The following GNAQ variants were observed in gnomAD, a reference collection of about 807,000 sequenced individuals.
GNAQ encodes G protein subunit alpha q, also known as guanine nucleotide-binding protein G(q) subunit alpha.
A neutral mutation model predicts 43.9 loss-of-function variants in GNAQ; 8 were observed. The ratio of observed to expected loss-of-function variants is 0.18; its 90% CI spans 0.11 to 0.33. The LOEUF is 0.33. Among genes scored for constraint, GNAQ ranks in the 10% least tolerant of loss-of-function variants. GNAQ has a pLI of 1.00. For missense variants in GNAQ, 158 were observed against 450.8 expected (o/e 0.35, Z 5.88); for synonymous variants, 155 against 170.7 (o/e 0.91, Z 0.71).
intron 1 of GNAQ, among the ~76,000 whole-genome samples, chr9:77,992,615 A>C (rs1051738389): frequency 6.6e-6 from 1 of 152,166 alleles, no homozygotes; most frequent in Non-Finnish European, 1.5e-5. Context: ...TAGTTTTTCT[A>C]CATAATTTTT....
chr9:77,866,177 T>G (rs1226666775), intron 2 of GNAQ, among the ~76,000 whole-genome samples: 1 of 151,886 alleles, frequency 6.6e-6, no homozygotes, highest in South Asian at 2.1e-4. Context: ...GGCAGTGATT[T>G]AAAAAAAACA....
intron 5 of GNAQ, among the ~76,000 whole-genome samples, chr9:77,759,933 CTTT>C (rs970000569): frequency 5.3e-5 from 7 of 131,838 alleles, no homozygotes; most frequent in Admixed American, 3.8e-4. Context: ...TTTTCTTTTT[CTTT>C]TTTTTTTGAG....
chr9:77,763,141 C>CAAACAAAAAA (rs1462515368), intron 5 of GNAQ, among the ~76,000 whole-genome samples: 5 of 64,836 alleles, frequency 7.7e-5, no homozygotes, highest in African/African-American at 1.7e-4. Flanking sequence ...AACAAACAAA[C>CAAACAAAAAA]AAAAAAAAAA....
intron 2 of GNAQ, among the ~76,000 whole-genome samples, chr9:77,880,066 C>A (rs1828185426): frequency 6.6e-6 from 1 of 152,144 alleles, no homozygotes; most frequent in African/African-American, 2.4e-5. Flanking sequence ...AGGAAATTAT[C>A]TCATAATTGA....
intron 5 of GNAQ, among the ~76,000 whole-genome samples, chr9:77,762,952 C>A (rs1826074393): frequency 6.6e-6 from 1 of 151,938 alleles, no homozygotes; most frequent in South Asian, 2.1e-4. Flanking sequence ...CCCAGGGACA[C>A]AAACACTGCG....
chr9:77,972,998 C>A (rs1264952265), intron 1 of GNAQ, among the ~76,000 whole-genome samples: 10 of 125,598 alleles, frequency 8.0e-5, no homozygotes, highest in Admixed American at 1.6e-4. Flanking sequence ...AAGGAGAAGA[C>A]ATTTAAAAAA....
Position 77,717,144 on chromosome 9 carries a change from T to C in GNAQ, c.*4179A>G, listed in dbSNP as rs564546021. The C allele has an allele frequency of 9.0e-5, 21 of 232,342 alleles. No individual in the cohort carries two copies. The East Asian group carries it at 1.2e-3, about 13-fold the overall frequency. 14.4% of individuals were successfully genotyped at this position (232,342 alleles called of 1,614,324 possible). A position where few individuals can be genotyped will look rare whatever the true frequency, so the allele number is the denominator to read the frequency against. On this transcript the variant is annotated 3_prime_UTR_variant, in exon 7 of 7. Transcript: ENST00000286548. ...CTATTAACGCTACATATGCTGGAAA[T>C]ATGTAGAGATAGATAAACATACAAT...
intron 1 of GNAQ, among the ~76,000 whole-genome samples, chr9:77,971,096 A>G (rs1443188316): frequency 6.6e-6 from 1 of 152,214 alleles, no homozygotes; most frequent in East Asian, 1.9e-4. Context: ...TGAATCCCTG[A>G]ATAGACCAAT....
At chr9:77,934,546 A>G (rs1044441975) in intron 1 of GNAQ, among the ~76,000 whole-genome samples, 1 of 152,124 alleles carries the variant, frequency 6.6e-6, no homozygotes, top group African/African-American at 2.4e-5. Flanking sequence ...TAAGAGAAGC[A>G]ATGATCTAGG....
intron 3 of GNAQ, among the ~76,000 whole-genome samples, chr9:77,802,271 C>A (rs1826755714): frequency 6.6e-6 from 1 of 152,116 alleles, no homozygotes; most frequent in Non-Finnish European, 1.5e-5. Context: ...CATGCAACCC[C>A]CCTCACTCTG....
intron 1 of GNAQ, among the ~76,000 whole-genome samples, chr9:78,007,417 GC>G: frequency 1.3e-5 from 2 of 148,706 alleles, no homozygotes; most frequent in South Asian, 4.2e-4. Flanking sequence ...GCTCAAGCAA[GC>G]CACCCACTAG....
At chr9:77,990,765 C>T (rs1288179733) in intron 1 of GNAQ, among the ~76,000 whole-genome samples, 2 of 152,166 alleles carry the variant, frequency 1.3e-5, no homozygotes, top group Admixed American at 6.5e-5. Flanking sequence ...GACTGCTTTC[C>T]TACAAAATGC....
chr9:78,004,257 A>G (rs1230360619), intron 1 of GNAQ, among the ~76,000 whole-genome samples: 1 of 150,658 alleles, frequency 6.6e-6, no homozygotes, highest in Non-Finnish European at 1.5e-5. Flanking sequence ...AGCCTGGACG[A>G]CAGAGTAAGA....
At chr9:78,015,151 T>C (rs1823823153) in intron 1 of GNAQ, among the ~76,000 whole-genome samples, 2 of 152,244 alleles carry the variant, frequency 1.3e-5, no homozygotes, top group African/African-American at 4.8e-5. Flanking sequence ...ACCTTTTCTA[T>C]GTTAAGATAT....
intron 5 of GNAQ, among the ~76,000 whole-genome samples, chr9:77,793,364 G>T (rs1378822909): frequency 6.6e-6 from 1 of 152,006 alleles, no homozygotes; most frequent in African/African-American, 2.4e-5. Flanking sequence ...GCATGAACAG[G>T]TGACTCTCGG....
chr9:78,002,375 CAG>C (rs1474749440), intron 1 of GNAQ, among the ~76,000 whole-genome samples: 1 of 152,156 alleles, frequency 6.6e-6, no homozygotes, highest in Non-Finnish European at 1.5e-5. Context: ...CACCCCCACA[CAG>C]AGACACACAA....
chr9:77,802,984 C>T (rs1364538834), intron 3 of GNAQ, among the ~76,000 whole-genome samples: 1 of 152,052 alleles, frequency 6.6e-6, no homozygotes, highest in Admixed American at 6.6e-5. Context: ...GCCCAGTTAG[C>T]TATGGCCCTC....
intron 2 of GNAQ, among the ~76,000 whole-genome samples, chr9:77,858,417 T>C (rs530536471): frequency 9.2e-5 from 14 of 152,146 alleles, no homozygotes; most frequent in East Asian, 1.9e-4. Flanking sequence ...CTCAACCATT[T>C]AGAGTGACCA....
intron 1 of GNAQ, among the ~76,000 whole-genome samples, chr9:77,992,559 G>A (rs1823521426): frequency 6.6e-6 from 1 of 152,012 alleles, no homozygotes; most frequent in Admixed American, 6.6e-5. Flanking sequence ...AATAAAGACA[G>A]AAAATTCTTG....
Sources: gnomAD v4.1 joint callset for allele counts (sites outside exome capture counted in the v4.1 genomes callset) on GRCh38, gnomAD v4.1.1 for gene constraint, MANE v1.5 for transcripts, NCBI Gene and HGNC (gene_info 2026-07-23, HGNC 2026-07-21) for gene names.